The following TTYH3 variants were observed in gnomAD, a reference collection of about 807,000 sequenced individuals.
The protein encoded by TTYH3 is protein tweety homolog 3.
Under a neutral mutation model 68.2 loss-of-function variants are expected in TTYH3, and 23 were observed. The observed-to-expected ratio is 0.34, with a 90% CI of 0.24 to 0.48. The LOEUF (loss-of-function observed/expected upper bound fraction) is 0.48, where lower values mean the gene tolerates loss of function less well. Among genes scored for constraint, TTYH3 ranks in the 20% least tolerant of loss-of-function variants. The pLI, the probability that TTYH3 is intolerant of heterozygous loss-of-function variation, is 0.99. For synonymous variants in TTYH3, 360 were observed against 332.8 expected, an observed-to-expected ratio of 1.08 and a Z score of -0.89; for missense variants, 768 against 727.7, an observed-to-expected ratio of 1.06 and a Z score of -0.64.
At chr7:2,652,844 G>T in intron 8 of TTYH3, 74 bp from the exon 9 acceptor site, 1 of 1,280,914 alleles carries the variant, frequency 7.8e-7, no homozygotes, top group Admixed American at 2.1e-5. Context: ...GTGTCCCCGC[G>T]TTGGAGGGTC....
At chr7:2,654,566 G>A (rs1322116253) in intron 9 of TTYH3, among the ~76,000 whole-genome samples, 1 of 152,100 alleles carries the variant, frequency 6.6e-6, no homozygotes, top group East Asian at 1.9e-4. Flanking sequence ...TTTTGCACTC[G>A]AGTGGGTAGG....
chr7:2,647,739 C>T (rs1456235532), intron 4 of TTYH3, 101 bp downstream of exon 4: 3 of 1,307,992 alleles, frequency 2.3e-6, no homozygotes, highest in East Asian at 5.1e-5. Context: ...GCCTGATGGG[C>T]AGGGTGTGGC....
intron 1 of TTYH3, among the ~76,000 whole-genome samples, chr7:2,633,850 C>T (rs1464041323): frequency 1.3e-5 from 2 of 152,242 alleles, no homozygotes; most frequent in Non-Finnish European, 2.9e-5. Context: ...GACTTCCTTC[C>T]AGCCCTCCGG....
intron 9 of TTYH3, among the ~76,000 whole-genome samples, chr7:2,654,853 C>G (rs529979626): frequency 6.6e-6 from 1 of 152,118 alleles, no homozygotes; most frequent in African/African-American, 2.4e-5. Context: ...GGCGCAATCT[C>G]GGCTCACCGC....
At chr7:2,635,372 C>G (rs1785630584) in intron 1 of TTYH3, among the ~76,000 whole-genome samples, 1 of 152,212 alleles carries the variant, frequency 6.6e-6, no homozygotes, top group African/African-American at 2.4e-5. Context: ...AGACACTGTC[C>G]TGGGCTTTAT....
chr7:2,638,042 C>T (rs749517241), intron 1 of TTYH3, among the ~76,000 whole-genome samples: 20 of 152,192 alleles, frequency 1.3e-4, no homozygotes, highest in Non-Finnish European at 2.5e-4. Context: ...TCCTGGCCAT[C>T]GTGGAAGAGC....
chr7:2,632,206 G>C lies in TTYH3; in HGVS notation c.51G>C (p.Arg17=), dbSNP rs760793623. 2 of 1,565,190 alleles carry C rather than the reference G, an allele frequency of 1.3e-6. No homozygotes were observed. Among genetic ancestry groups the C allele is most frequent in the African/African-American group, 2.7e-5 (2 of 73,782 alleles). The change falls in exon 1 of 14, where the codon CGG becomes CGC. Residue 17 remains arginine, a synonymous_variant. Coordinates refer to ENST00000258796, the MANE Select transcript of TTYH3 (RefSeq NM_025250.3). The stretch of plus-strand genomic sequence containing the variant: ...CCTGGTGGGTGAGCCTCCTGCACCG[G>C]CTGCCCCACTTCGACCTGAGCTGGG... ...AAPWWVSLLH[R]LPHFDLSWEA...
rs1785537142 is a variant in TTYH3, at chr7:2,632,102, C to T, written c.-54C>T. ...GGTCCCTGAAGCCCGCGCCCCGGGC[C>T]AGCAAGGGAGCCCCGCGCAGGCCGC... On this transcript the variant is annotated 5_prime_UTR_variant, in exon 1 of 14. Transcript: ENST00000258796. 7.9e-7 allele frequency: 1 copy of T among 1,260,592 alleles called. No individual in the cohort carries two copies. The highest frequency in any genetic ancestry group is 1.0e-6 in the Non-Finnish European group (1 of 1,000,876). The allele number at this position is 1,260,592 out of a possible 1,614,324, so 78.1% of individuals were successfully genotyped here.
At chr7:2,634,573 G>A (rs1249473516) in intron 1 of TTYH3, among the ~76,000 whole-genome samples, 1 of 151,978 alleles carries the variant, frequency 6.6e-6, no homozygotes, top group Non-Finnish European at 1.5e-5. Context: ...GGGGGATGGA[G>A]GGGAGGTGGG....
chr7:2,641,516 C>T lies in TTYH3; in HGVS notation c.124-5337C>T, dbSNP rs566207655. ...ACATGTGTGGCAGTTGAGTCCTCTC[C>T]GTGTGCTCCGCGGAACCCAGCGTGC... On this transcript the variant is annotated intron_variant, in intron 1 of 13. Coordinates refer to ENST00000258796, the MANE Select transcript of TTYH3 (RefSeq NM_025250.3). Among the ~76,000 whole-genome samples the T allele has an allele frequency of 7.9e-5, 12 of 152,318 alleles. No homozygotes were observed. The South Asian group carries it at 2.3e-3, about 29-fold the overall frequency.
In TTYH3 at chr7:2,649,957, A is replaced by G; in HGVS notation, c.840A>G (p.Lys280=). 1 of 1,613,758 alleles carries G rather than the reference A, an allele frequency of 6.2e-7. No homozygotes were observed. Among genetic ancestry groups the G allele is most frequent in the Non-Finnish European group, 8.5e-7 (1 of 1,179,922 alleles). ...TGGACCCTGACGCCTACGTGACCAAAATGGTGGAGGAGTACTCGGTGCTGA... is the reference window on the plus strand; with the variant it reads ...TGGACCCTGACGCCTACGTGACCAAGATGGTGGAGGAGTACTCGGTGCTGA... ...FCVDPDAYVT[K]MVEEYSVLSG... The change falls in exon 7 of 14, where the codon AAA becomes AAG. Residue 280 remains lysine (K), a synonymous_variant. Transcript: ENST00000258796.
chr7:2,647,063 G>C (rs1471731013), intron 2 of TTYH3, 41 bp downstream of exon 2: 1 of 1,532,088 alleles, frequency 6.5e-7, no homozygotes. Context: ...GGGCCAGAGG[G>C]GGCGGCCCGA....
rs111291216 is a variant in TTYH3 at position 2,639,770 on chromosome 7, G to T, written c.124-7083G>T. On this transcript the variant is annotated intron_variant, in intron 1 of 13. Coordinates refer to ENST00000258796, the MANE Select transcript of TTYH3 (RefSeq NM_025250.3). ...GGGTTCTGGCCCCTCAGTGGCCTCT[G>T]TGGAGCCTGTCCCTTTCCCTCCTCC... Among the ~76,000 whole-genome samples, 34 of 152,324 alleles carry T rather than the reference G, an allele frequency of 2.2e-4. 1 individual carries two copies. Among genetic ancestry groups the T allele is most frequent in the African/African-American group, 8.2e-4 (34 of 41,580 alleles).
chr7:2,647,181 C>G lies in TTYH3; in HGVS notation c.333C>G (p.Thr111=), dbSNP rs1209265463. 1 of 1,606,862 alleles carries G rather than the reference C, an allele frequency of 6.2e-7. No homozygotes were observed. The highest frequency in any genetic ancestry group is 8.5e-7 in the Non-Finnish European group (1 of 1,178,198). The part of the protein sequence containing the change: ...IAVGFYGNGE[T]SDGIHRATYS... ...TGGGATTCTACGGCAACGGGGAGACCAGTGATGGCATCCATAGGGCCACCT... is the reference window on the plus strand; with the variant it reads ...TGGGATTCTACGGCAACGGGGAGACGAGTGATGGCATCCATAGGGCCACCT... Residue 111 remains threonine (T), a synonymous_variant, in exon 3 of 14, where the codon ACC becomes ACG. Transcript: ENST00000258796.
At chr7:2,650,370 G>A (rs1021906007) in intron 7 of TTYH3, among the ~76,000 whole-genome samples, 11 of 152,138 alleles carry the variant, frequency 7.2e-5, no homozygotes, top group African/African-American at 2.4e-4. Flanking sequence ...CTGAGGTCAG[G>A]AGTTCAAGAG....
Position 2,652,926 on chromosome 7 carries a change from G to A in TTYH3, c.936G>A (p.Ser312=), listed in dbSNP as rs1168061037. 10 of 1,567,326 alleles carry A rather than the reference G, an allele frequency of 6.4e-6. No homozygotes were observed. The highest frequency in any genetic ancestry group is 3.5e-5 in the South Asian group (3 of 85,220). The change falls in exon 9 of 14, where the codon TCG becomes TCA. Residue 312 remains serine, a synonymous_variant. Transcript: ENST00000258796. The part of the protein sequence containing the change: ...RAANPFQQKL[S]GSHKALVEMQ... ...TCTCCTCTCTGGAGCAGAAGCTGTC[G>A]GGCAGCCACAAGGCACTGGTGGAGA...
In TTYH3 at chr7:2,632,124, C is replaced by A; in HGVS notation, c.-32C>A. Reference sequence around the variant, plus strand: ...GGCCAGCAAGGGAGCCCCGCGCAGGCCGCGCGCATCCGGAGGCGGCCGGGC... The same window carrying A: ...GGCCAGCAAGGGAGCCCCGCGCAGGACGCGCGCATCCGGAGGCGGCCGGGC... On this transcript the variant is annotated 5_prime_UTR_variant, in exon 1 of 14. Coordinates refer to ENST00000258796, the MANE Select transcript of TTYH3 (RefSeq NM_025250.3). 7.4e-7 allele frequency: 1 copy of A among 1,350,486 alleles called. No homozygotes were observed. Among genetic ancestry groups the A allele is most frequent in the Non-Finnish European group, 9.6e-7 (1 of 1,043,564 alleles). The allele number at this position is 1,350,486 out of a possible 1,614,324, so 83.7% of individuals were successfully genotyped here.
At chr7:2,639,102 C>T (rs902816053) in intron 1 of TTYH3, among the ~76,000 whole-genome samples, 2 of 152,180 alleles carry the variant, frequency 1.3e-5, no homozygotes, top group African/African-American at 4.8e-5. Flanking sequence ...GCCTCTCAGA[C>T]ACCCCCAAAC....
intron 7 of TTYH3, among the ~76,000 whole-genome samples, chr7:2,651,899 T>TGCAGACACACATGCGAAGACATGTACAC: frequency 6.6e-6 from 1 of 152,178 alleles, no homozygotes; most frequent in East Asian, 1.9e-4. Flanking sequence ...TGTAAATGCA[T>TGCAGACACACATGCGAAGACATGTACAC]GCAGACACAC....
Sources: allele counts gnomAD v4.1 joint callset (sites outside exome capture counted in the v4.1 genomes callset), GRCh38; gene constraint gnomAD v4.1.1; transcripts MANE v1.5; gene names NCBI Gene and HGNC (gene_info 2026-07-23, HGNC 2026-07-21).